NRXN3: variants seen among roughly 807,000 people sequenced by gnomAD.
The protein encoded by NRXN3 is neurexin III.
A neutral mutation model predicts 137.6 loss-of-function variants in NRXN3; 32 were observed. The observed-to-expected ratio is 0.23, with a 90% CI of 0.18 to 0.31. The LOEUF (loss-of-function observed/expected upper bound fraction) is 0.31. NRXN3 is among the 10% of genes least tolerant of loss of function. The pLI is 1.00. For missense variants in NRXN3, 1,574 were observed against 2,062.5 expected, an observed-to-expected ratio of 0.76 and a Z score of 4.59; for synonymous variants, 798 against 784.5, an observed-to-expected ratio of 1.02 and a Z score of -0.29.
At chr14:78,920,053 A>G (rs1244131475) in intron 10 of NRXN3, among the ~76,000 whole-genome samples, 2 of 152,224 alleles carry the variant, frequency 1.3e-5, no homozygotes, top group Non-Finnish European at 2.9e-5. Context: ...ATAGCTAATG[A>G]TCTTCTGTGG....
chr14:79,330,076 C>T (rs556923699), intron 15 of NRXN3, among the ~76,000 whole-genome samples: 4 of 152,052 alleles, frequency 2.6e-5, no homozygotes, highest in Admixed American at 6.6e-5. Flanking sequence ...ATGATCTGCC[C>T]GCCTCGGCCT....
At chr14:79,792,390 G>C (rs939983768) in intron 19 of NRXN3, among the ~76,000 whole-genome samples, 2 of 152,152 alleles carry the variant, frequency 1.3e-5, no homozygotes, top group Non-Finnish European at 2.9e-5. Flanking sequence ...AAATGAGACT[G>C]TGTTGCTTAG....
intron 14 of NRXN3, among the ~76,000 whole-genome samples, chr14:78,986,446 C>T (rs186414015): frequency 3.7e-4 from 56 of 152,016 alleles, no homozygotes; most frequent in Middle Eastern, 3.4e-3. Context: ...AAGTGCCAGG[C>T]GGACCGAAAG....
rs770937661 is a variant in NRXN3, at chr14:79,566,811, T to C, written c.3445-96967T>C. Among the ~76,000 whole-genome samples, 3 of 152,156 alleles carry C rather than the reference T, an allele frequency of 2.0e-5. No individual in the cohort carries two copies. The East Asian group carries it at 5.8e-4, about 29-fold the overall frequency. On this transcript the variant is annotated intron_variant, in intron 16 of 20. Coordinates refer to ENST00000335750, the MANE Select transcript of NRXN3 (RefSeq NM_001330195.2). ...TCACTTAGTTGGAACACTTTGTTCATCCTCTAGCAATGTCTGATAAGTTAG... is the reference window on the plus strand; with the variant it reads ...TCACTTAGTTGGAACACTTTGTTCACCCTCTAGCAATGTCTGATAAGTTAG...
chr14:79,188,264 C>T (rs1463885756), intron 15 of NRXN3, among the ~76,000 whole-genome samples: 1 of 152,032 alleles, frequency 6.6e-6, no homozygotes. Context: ...AATATAAGAC[C>T]TAGCATTAAG....
intron 4 of NRXN3, among the ~76,000 whole-genome samples, chr14:78,412,116 G>A (rs1337405705): frequency 6.6e-6 from 1 of 152,192 alleles, no homozygotes; most frequent in African/African-American, 2.4e-5. Context: ...AGACGTTAAT[G>A]GTGCTCACTG....
intron 14 of NRXN3, among the ~76,000 whole-genome samples, chr14:78,971,420 A>C (rs1455594224): frequency 7.3e-6 from 1 of 136,138 alleles, no homozygotes; most frequent in African/African-American, 3.1e-5. Context: ...GAATACACAG[A>C]TAAACATATA....
Position 79,842,442 on chromosome 14 carries a change from G to A in NRXN3, c.4094-18900G>A, listed in dbSNP as rs545440828. ...AGGGAAGCCAGAGAGTATGGCCAGAGCCCGAGATATCCTGGGTCTGGTGAG... is the reference window on the plus strand; with the variant it reads ...AGGGAAGCCAGAGAGTATGGCCAGAACCCGAGATATCCTGGGTCTGGTGAG... On this transcript the variant is annotated intron_variant, in intron 20 of 20. Transcript: ENST00000335750. Among the ~76,000 whole-genome samples, 25 of 152,244 alleles carry A rather than the reference G, an allele frequency of 1.6e-4. 1 individual carries two copies. The highest frequency in any genetic ancestry group is 1.4e-3 in the Admixed American group (21 of 15,284).
At chr14:78,301,897 C>T (rs544330172) in intron 4 of NRXN3, among the ~76,000 whole-genome samples, 1 of 152,316 alleles carries the variant, frequency 6.6e-6, no homozygotes, top group East Asian at 1.9e-4. Flanking sequence ...TCCCAGGTGG[C>T]TTCATTCTCA....
At chr14:78,179,837 T>A (rs1325685528) in intron 1 of NRXN3, among the ~76,000 whole-genome samples, 2 of 139,126 alleles carry the variant, frequency 1.4e-5, no homozygotes, top group Non-Finnish European at 3.1e-5. Flanking sequence ...TGTTTCTGTT[T>A]TTTTGTTTTT....
chr14:78,764,393 C>T (rs1394497138), intron 8 of NRXN3, among the ~76,000 whole-genome samples: 1 of 152,146 alleles, frequency 6.6e-6, no homozygotes, highest in Non-Finnish European at 1.5e-5. Flanking sequence ...GAGGGCTTAC[C>T]ACATCTGATA....
At chr14:78,950,244 T>A (rs1208305641) in intron 10 of NRXN3, among the ~76,000 whole-genome samples, 1 of 152,146 alleles carries the variant, frequency 6.6e-6, no homozygotes, top group African/African-American at 2.4e-5. Context: ...TGGAGAGAGA[T>A]TATCGCAAGA....
chr14:79,766,347 C>A (rs983411503), intron 19 of NRXN3, among the ~76,000 whole-genome samples: 3 of 152,104 alleles, frequency 2.0e-5, no homozygotes, highest in Non-Finnish European at 2.9e-5. Flanking sequence ...ATGTGGCTAA[C>A]GATTCATGCC....
chr14:79,661,537 A>G (rs548139288), intron 16 of NRXN3: 1 of 152,274 alleles, frequency 6.6e-6, no homozygotes, highest in Non-Finnish European at 1.5e-5. Context: ...GTACCAAACT[A>G]TATATAGAAA....
At chr14:79,653,905 A>G (rs1164863320) in intron 16 of NRXN3, among the ~76,000 whole-genome samples, 4 of 152,140 alleles carry the variant, frequency 2.6e-5, no homozygotes, top group African/African-American at 9.7e-5. Context: ...TGCCTATGGC[A>G]AATGGAATCC....
chr14:79,049,206 G>A (rs1348260822), intron 15 of NRXN3, among the ~76,000 whole-genome samples: 1 of 151,704 alleles, frequency 6.6e-6, no homozygotes, highest in African/African-American at 2.4e-5. Flanking sequence ...TTTCAAAATT[G>A]GAGCTAATCC....
chr14:79,293,556 T>C (rs2083533689), intron 15 of NRXN3, among the ~76,000 whole-genome samples: 1 of 152,250 alleles, frequency 6.6e-6, no homozygotes, highest in Non-Finnish European at 1.5e-5. Context: ...CTCTTTCTAC[T>C]GCATCACAAT....
chr14:79,820,095 G>T (rs1032144864), intron 20 of NRXN3, among the ~76,000 whole-genome samples: 1 of 152,098 alleles, frequency 6.6e-6, no homozygotes, highest in Admixed American at 6.5e-5. Context: ...TTATTGAGCT[G>T]ACAAATGTCT....
At chr14:78,510,079 G>A (rs943507874) in intron 4 of NRXN3, among the ~76,000 whole-genome samples, 3 of 142,722 alleles carry the variant, frequency 2.1e-5, no homozygotes, top group Non-Finnish European at 4.4e-5. Flanking sequence ...GCCTAGATGA[G>A]TATTAGTAAC....
Sources: gnomAD v4.1 joint callset for allele counts (sites outside exome capture counted in the v4.1 genomes callset) on GRCh38, gnomAD v4.1.1 for gene constraint, MANE v1.5 for transcripts, NCBI Gene and HGNC (gene_info 2026-07-23, HGNC 2026-07-21) for gene names.